The following CFAP58 variants were observed in gnomAD, a reference collection of about 807,000 sequenced individuals.
The protein encoded by CFAP58 is cilia and flagella associated protein 58, also known as cilia- and flagella-associated protein 58.
In CFAP58, 88 loss-of-function variants were observed where a neutral mutation model predicts 119.5. That is an observed-to-expected ratio of 0.74 (90% CI 0.62 to 0.88). CFAP58 has a LOEUF of 0.88. Among genes scored for constraint, CFAP58 ranks in the 40% least tolerant of loss-of-function variants. The probability of loss-of-function intolerance (pLI) is 0.00; values close to 1 mark genes in which losing one functional copy is unlikely to be tolerated. For missense variants in CFAP58, 990 were observed against 1,021.2 expected, an observed-to-expected ratio of 0.97 and a Z score of 0.42; for synonymous variants, 365 against 366.3, an observed-to-expected ratio of 1.00 and a Z score of 0.04.
chr10:104,437,709 A>T (rs757743604), intron 15 of CFAP58, among the ~76,000 whole-genome samples: 2 of 152,246 alleles, frequency 1.3e-5, no homozygotes, highest in African/African-American at 2.4e-5. Flanking sequence ...TCAAAAAAGA[A>T]TGTTTTAAAT....
At chr10:104,353,720 T>C (rs79858905), upstream of CFAP58, 2,591 of 586,088 alleles carry the variant, frequency 4.4e-3, 96 homozygotes, top group East Asian at 0.065. Context: ...GAATTCCCGC[T>C]AGCGCCCCTA....
chr10:104,381,792 G>A (rs1187999695), intron 9 of CFAP58, among the ~76,000 whole-genome samples: 1 of 152,174 alleles, frequency 6.6e-6, no homozygotes, highest in Non-Finnish European at 1.5e-5. Context: ...GAGGAGCACA[G>A]TGCCTTGGCT....
chr10:104,362,036 C>T lies in CFAP58; in HGVS notation c.305C>T (p.Ala102Val). Residue 102 changes from alanine to valine, a missense_variant, in exon 3 of 18, where the codon GCC becomes GTC. Physicochemically the swap from Ala to Val is moderately conservative, Grantham distance 64. Transcript: ENST00000369704. ...IASLKKEIEK[A>V]WKMVDSAYDK... ...TGGCCCATCTAGGAAATTGAAAAGG[C>T]CTGGAAGATGGTGGACTCAGCCTAT... 1 of 1,613,702 alleles carries T rather than the reference C, an allele frequency of 6.2e-7. No individual in the cohort carries two copies. The highest frequency in any genetic ancestry group is 8.5e-7 in the Non-Finnish European group (1 of 1,179,836).
chr10:104,355,300 C>T (rs1235831319), intron 1 of CFAP58, among the ~76,000 whole-genome samples: 1 of 152,220 alleles, frequency 6.6e-6, no homozygotes, highest in East Asian at 1.9e-4. Context: ...CCCAGCCTCC[C>T]AGAGGCACCA....
chr10:104,357,970 C>CAT (rs200290661), intron 1 of CFAP58, among the ~76,000 whole-genome samples: 25,125 of 104,570 alleles, frequency 0.24, 3,558 homozygotes, highest in African/African-American at 0.39. Flanking sequence ...TATATGTACA[C>CAT]ATATGTACAT....
At position 104,358,040 on chromosome 10, in the gene CFAP58, T is replaced by C. The variant is rs534103698; in HGVS notation, c.10-301T>C. 1.2e-4 allele frequency among the ~76,000 whole-genome samples: 18 copies of C among 147,946 alleles called. No homozygotes were observed. In the South Asian group the frequency reaches 2.5e-3, roughly 21 times the overall value. ...ATGTACATATATATACATATGTACA[T>C]ATACACACATATATGTACATATATA... On this transcript the variant is annotated intron_variant, in intron 1 of 17. Transcript: ENST00000369704.
chr10:104,354,805 C>G (rs1371849411), intron 1 of CFAP58, among the ~76,000 whole-genome samples: 1 of 152,268 alleles, frequency 6.6e-6, no homozygotes, highest in East Asian at 1.9e-4. Context: ...AAGAATGGGG[C>G]CTTTCTGAGC....
intron 8 of CFAP58, among the ~76,000 whole-genome samples, chr10:104,378,697 G>C (rs992261121): frequency 2.0e-5 from 3 of 152,118 alleles, no homozygotes; most frequent in African/African-American, 7.2e-5. Context: ...TAGCTCCCAA[G>C]GTTATATCTT....
intron 9 of CFAP58, among the ~76,000 whole-genome samples, chr10:104,386,348 G>A (rs1242999099): frequency 2.0e-5 from 3 of 148,288 alleles, no homozygotes; most frequent in Non-Finnish European, 4.4e-5. Flanking sequence ...TTGCACTCCA[G>A]CCTGGGTGAC....
At chr10:104,340,515 C>A in the CFAP58 span, among the ~76,000 whole-genome samples, 1 of 152,220 alleles carries the variant, frequency 6.6e-6, no homozygotes, top group South Asian at 2.1e-4. Context: ...GATTGGACAC[C>A]CCTCCTGTCG....
At chr10:104,411,070 G>C in intron 15 of CFAP58, among the ~76,000 whole-genome samples, 1 of 152,118 alleles carries the variant, frequency 6.6e-6, no homozygotes, top group East Asian at 1.9e-4. Context: ...CTCCTGAGTA[G>C]CTGGGATTAC....
At chr10:104,438,047 C>A (rs2012962703) in intron 15 of CFAP58, among the ~76,000 whole-genome samples, 1 of 152,052 alleles carries the variant, frequency 6.6e-6, no homozygotes, top group Non-Finnish European at 1.5e-5. Flanking sequence ...AATAACTCAA[C>A]CTTATTTTAT....
intron 15 of CFAP58, among the ~76,000 whole-genome samples, chr10:104,421,315 T>C (rs544717041): frequency 8.3e-4 from 127 of 152,232 alleles, no homozygotes; most frequent in African/African-American, 2.9e-3. Flanking sequence ...CTTCCACCTC[T>C]CCACACCCAT....
chr10:104,430,433 C>G (rs2012826259), intron 15 of CFAP58, among the ~76,000 whole-genome samples: 1 of 152,246 alleles, frequency 6.6e-6, no homozygotes, highest in African/African-American at 2.4e-5. Context: ...TTGCTTTTCA[C>G]ATTACCTTCT....
At chr10:104,361,933 C>T (rs908410376) in intron 2 of CFAP58, 90 bp from the exon 3 acceptor site, 20 of 1,237,058 alleles carry the variant, frequency 1.6e-5, no homozygotes, top group Admixed American at 4.3e-5. Context: ...TATAACTACA[C>T]TGTGGTCATG....
intron 15 of CFAP58, among the ~76,000 whole-genome samples, chr10:104,446,053 G>A (rs929122580): frequency 6.6e-6 from 1 of 152,198 alleles, no homozygotes; most frequent in African/African-American, 2.4e-5. Flanking sequence ...ACTGTTTCAT[G>A]GACTTCTCCA....
chr10:104,375,903 A>G (rs573446396), intron 7 of CFAP58, among the ~76,000 whole-genome samples: 4 of 152,152 alleles, frequency 2.6e-5, no homozygotes, highest in African/African-American at 9.7e-5. Context: ...TAGATAAAGG[A>G]CTGTGGAGAC....
At chr10:104,377,468 T>G (rs914068) in intron 8 of CFAP58, among the ~76,000 whole-genome samples, 1,545 of 152,296 alleles carry the variant, frequency 0.01, 36 homozygotes, top group African/African-American at 0.036. Context: ...CTCCATTAAA[T>G]GTAGGACCCC....
At chr10:104,406,660 C>T (rs780767878) in intron 14 of CFAP58, 29 bp from the exon 15 acceptor site, 16 of 1,574,218 alleles carry the variant, frequency 1.0e-5, no homozygotes, top group South Asian at 2.2e-5. Flanking sequence ...GATGATATCT[C>T]AGCTGCTATT....
Sources: gnomAD v4.1 joint callset for allele counts (sites outside exome capture counted in the v4.1 genomes callset) on GRCh38, gnomAD v4.1.1 for gene constraint, MANE v1.5 for transcripts, NCBI Gene and HGNC (gene_info 2026-07-23, HGNC 2026-07-21) for gene names.